Variants in NOL4 observed in about 807,000 individuals in gnomAD.
The protein encoded by NOL4 is cancer/testis antigen 125.
In NOL4, 17 loss-of-function variants were observed where a neutral mutation model predicts 75.9. The ratio of observed to expected loss-of-function variants is 0.22; its 90% CI spans 0.15 to 0.34. NOL4 has a LOEUF of 0.34. Among genes scored for constraint, NOL4 ranks in the 10% least tolerant of loss-of-function variants. The pLI, the probability that NOL4 is intolerant of heterozygous loss-of-function variation, is 1.00. For missense variants in NOL4, 614 were observed against 793.5 expected, an observed-to-expected ratio of 0.77 and a Z score of 2.72; for synonymous variants, 292 against 289.9, an observed-to-expected ratio of 1.01 and a Z score of -0.07.
chr18:34,177,992 TG>T (rs1420388985), intron 1 of NOL4, among the ~76,000 whole-genome samples: 2 of 151,854 alleles, frequency 1.3e-5, no homozygotes, highest in Non-Finnish European at 2.9e-5. Flanking sequence ...ATGTATTTTT[TG>T]TTTGTACCTC....
At position 34,223,115 on chromosome 18, in the gene NOL4, A is replaced by G; in HGVS notation, c.139T>C (p.Ser47Pro). 6.2e-7 allele frequency: 1 copy of G among 1,614,138 alleles called. No homozygotes were observed. The highest frequency in any genetic ancestry group is 8.5e-7 in the Non-Finnish European group (1 of 1,180,032). The change falls in exon 1 of 11, where the codon TCC (serine) becomes CCC (proline). Residue 47 changes from serine (S) to proline (P), a missense_variant. By Grantham distance (74) the Ser-to-Pro change is moderately conservative (BLOSUM62 -1). Transcript: ENST00000261592. Reference protein sequence around the residue: ...VQLLNGSESSSTDNAKFKFWV... With the variant: ...VQLLNGSESSPTDNAKFKFWV... ...AATTTAAATTTGGCGTTGTCCGTGGAGCTCGACTCGGAGCCATTGAGGAGC... is the reference window on the plus strand; with the variant it reads ...AATTTAAATTTGGCGTTGTCCGTGGGGCTCGACTCGGAGCCATTGAGGAGC...
At chr18:34,021,817 T>TA (rs1253878016) in intron 5 of NOL4, among the ~76,000 whole-genome samples, 1 of 151,948 alleles carries the variant, frequency 6.6e-6, no homozygotes, top group African/African-American at 2.4e-5. Context: ...AGATCTGTAG[T>TA]AAAAAATTAA....
At chr18:34,108,758 T>C (rs143379864) in intron 2 of NOL4, among the ~76,000 whole-genome samples, 3 of 152,312 alleles carry the variant, frequency 2.0e-5, no homozygotes, top group East Asian at 3.9e-4. Flanking sequence ...AGAACTTCAA[T>C]ATATCCCTTT....
intron 4 of NOL4, 99 bp from the exon 5 acceptor site, chr18:34,093,696 AT>A: frequency 1.1e-6 from 1 of 900,094 alleles, no homozygotes; most frequent in Non-Finnish European, 1.6e-6. Context: ...TAACCAGTAA[AT>A]TTTTACAGAA....
chr18:33,898,910 A>G lies in NOL4; in HGVS notation c.1543-15486T>C, dbSNP rs146971703. On this transcript the variant is annotated intron_variant, in intron 9 of 10. Coordinates refer to ENST00000261592, the MANE Select transcript of NOL4 (RefSeq NM_003787.5). ...TTATGGCACTCTACACTCTAGTCAG[A>G]CTATGACAGTGAAAAGCAGGCCTAA... 5.2e-3 allele frequency among the ~76,000 whole-genome samples: 786 copies of G among 152,266 alleles called. 3 individuals carry two copies. Among genetic ancestry groups the G allele is most frequent in the Non-Finnish European group, 6.8e-3 (460 of 68,016 alleles).
intron 1 of NOL4, among the ~76,000 whole-genome samples, chr18:34,201,242 T>C (rs555746594): frequency 1.4e-4 from 21 of 151,974 alleles, no homozygotes; most frequent in African/African-American, 4.1e-4. Flanking sequence ...CTGGGCATTT[T>C]CTAAGTATTT....
At chr18:34,181,091 A>G (rs980085264) in intron 1 of NOL4, among the ~76,000 whole-genome samples, 2 of 151,460 alleles carry the variant, frequency 1.3e-5, no homozygotes, top group Admixed American at 6.6e-5. Flanking sequence ...TAAATTTCAT[A>G]TGGAAATGCA....
intron 1 of NOL4, chr18:34,222,264 A>G (rs2037370450): frequency 7.3e-7 from 1 of 1,375,634 alleles, no homozygotes; most frequent in African/African-American, 1.5e-5. Flanking sequence ...ACCATTCGAT[A>G]GCGCCTAAAC....
intron 1 of NOL4, among the ~76,000 whole-genome samples, chr18:34,213,048 G>A (rs1473885487): frequency 6.6e-6 from 1 of 152,070 alleles, no homozygotes. Flanking sequence ...CACACTCAAA[G>A]GAGAAGGGAT....
intron 6 of NOL4, among the ~76,000 whole-genome samples, chr18:33,984,384 G>T (rs1299787471): frequency 6.6e-6 from 1 of 152,034 alleles, no homozygotes; most frequent in Non-Finnish European, 1.5e-5. Context: ...GCTTCCCAAT[G>T]CTATAATAGT....
chr18:33,926,629 T>C (rs1244293282), intron 9 of NOL4, among the ~76,000 whole-genome samples: 2 of 152,170 alleles, frequency 1.3e-5, no homozygotes. Context: ...TGAGACGGAG[T>C]CTCGCTCTGT....
chr18:34,212,716 G>A (rs2036594153), intron 1 of NOL4, among the ~76,000 whole-genome samples: 2 of 152,168 alleles, frequency 1.3e-5, no homozygotes, highest in Admixed American at 6.5e-5. Flanking sequence ...TCATTCCCTT[G>A]TGGTTGTAGA....
chr18:33,880,592 T>C (rs2064206769), intron 10 of NOL4, among the ~76,000 whole-genome samples: 1 of 152,054 alleles, frequency 6.6e-6, no homozygotes, highest in African/African-American at 2.4e-5. Flanking sequence ...GCCATTGACA[T>C]TGACAAACTA....
chr18:34,093,485 T>C lies in NOL4; in HGVS notation c.752A>G (p.Asn251Ser), dbSNP rs1488499377. The C allele has an allele frequency of 1.3e-6, 2 of 1,593,092 alleles. No individual in the cohort carries two copies. Among genetic ancestry groups the C allele is most frequent in the South Asian group, 2.3e-5 (2 of 88,036 alleles). The change falls in exon 5 of 11, where the codon AAT (asparagine) becomes AGT (serine). Residue 251 changes from asparagine (N) to serine (S), a missense_variant. By Grantham distance (46) the Asn-to-Ser change is conservative. Around this residue, in one of 9 missense-constraint regions of NOL4, gnomAD observed 135 missense variants for 220.4 expected, o/e 0.61. Coordinates refer to ENST00000261592, the MANE Select transcript of NOL4 (RefSeq NM_003787.5). ...CTTACCATCTTGCTGGCCATGAAGA[T>C]TCTGGGGACTTTGCATTCTTTCTTC... is the stretch of plus-strand genomic sequence containing the variant. Reference protein sequence around the residue: ...NLEERMQSPQNLHGQQDDDSA... With the variant: ...NLEERMQSPQSLHGQQDDDSA...
intron 2 of NOL4, 58 bp downstream of exon 2, chr18:34,129,813 G>A: frequency 1.4e-6 from 2 of 1,449,454 alleles, no homozygotes; most frequent in Non-Finnish European, 1.8e-6. Flanking sequence ...ATTTAAACAA[G>A]GATACATAAT....
At chr18:33,922,691 A>C (rs996786080) in intron 9 of NOL4, among the ~76,000 whole-genome samples, 1 of 152,122 alleles carries the variant, frequency 6.6e-6, no homozygotes, top group Non-Finnish European at 1.5e-5. Flanking sequence ...ATATACCCTC[A>C]ATTTTGTGCT....
chr18:33,904,809 C>A (rs1490746136), intron 9 of NOL4, among the ~76,000 whole-genome samples: 1 of 152,046 alleles, frequency 6.6e-6, no homozygotes, highest in Non-Finnish European at 1.5e-5. Context: ...GATGCAGGGG[C>A]CACAGATTCT....
At chr18:33,879,524 A>C (rs1408490409) in intron 10 of NOL4, among the ~76,000 whole-genome samples, 2 of 151,870 alleles carry the variant, frequency 1.3e-5, no homozygotes, top group Non-Finnish European at 2.9e-5. Context: ...AATAAAAATA[A>C]AAATAAATTA....
intron 1 of NOL4, among the ~76,000 whole-genome samples, chr18:34,218,597 C>G (rs753433805): frequency 3.9e-5 from 6 of 152,178 alleles, no homozygotes; most frequent in Non-Finnish European, 2.9e-5. Context: ...CACAACTCCA[C>G]AAAGAATCAC....
Sources: gnomAD v4.1 joint callset for allele counts (sites outside exome capture counted in the v4.1 genomes callset) on GRCh38, gnomAD v4.1.1 for gene constraint, gnomAD v4.1.1 regional missense constraint, MANE v1.5 for transcripts, NCBI Gene and HGNC (gene_info 2026-07-23, HGNC 2026-07-21) for gene names.